ADCY2: variants seen among roughly 807,000 people sequenced by gnomAD.
The protein encoded by ADCY2 is adenylate cyclase 2, also known as adenylate cyclase type 2.
In ADCY2, 31 loss-of-function variants were observed where a neutral mutation model predicts 125.2. The observed-to-expected ratio is 0.25, with a 90% confidence interval of 0.19 to 0.33. The LOEUF is 0.33. Ranked by LOEUF, ADCY2 falls within the 10% of genes least tolerant of loss-of-function variation. ADCY2 has a pLI of 1.00. For missense variants in ADCY2, 904 were observed against 1,418.2 expected (o/e 0.64, Z 5.82); for synonymous variants, 512 against 548.4 (o/e 0.93, Z 0.93).
At chr5:7,423,224 CA>C (rs1422606294) in intron 2 of ADCY2, among the ~76,000 whole-genome samples, 2 of 152,202 alleles carry the variant, frequency 1.3e-5, no homozygotes, top group African/African-American at 4.8e-5. Flanking sequence ...GCTCAGCCTG[CA>C]GTGTGTTTAT....
chr5:7,724,765 C>CATAT lies in ADCY2; in HGVS notation c.1773+154_1773+157dup, dbSNP rs1741882942. ...TGGCTTTTCTGGTGGTTCTTTCATG[C>CATAT]ATATATTGCTTTACGGTATTTCTTG... On this transcript the variant is annotated intron_variant, in intron 13 of 24. Transcript: ENST00000338316. 3 of 634,118 alleles carry CATAT rather than the reference C, an allele frequency of 4.7e-6. No homozygotes were observed. In the South Asian group the frequency reaches 5.5e-5, roughly 12 times the overall value. The allele number at this position is 634,118 out of a possible 1,614,324, so 39.3% of individuals were successfully genotyped here. A position where few individuals can be genotyped will look rare whatever the true frequency, so the allele number is the denominator to read the frequency against.
chr5:7,442,373 G>T (rs1741045426), intron 2 of ADCY2, among the ~76,000 whole-genome samples: 1 of 151,992 alleles, frequency 6.6e-6, no homozygotes, highest in South Asian at 2.1e-4. Flanking sequence ...CTTGTGTCTG[G>T]GTCTTTGTAC....
chr5:7,714,295 T>G (rs906355083), intron 11 of ADCY2, among the ~76,000 whole-genome samples: 1 of 152,202 alleles, frequency 6.6e-6, no homozygotes, highest in African/African-American at 2.4e-5. Flanking sequence ...CATAGTCTCT[T>G]CTGTTATCTG....
At position 7,493,703 on chromosome 5, in the gene ADCY2, T is replaced by C. The variant is rs538512660; in HGVS notation, c.409-27035T>C. On this transcript the variant is annotated intron_variant, in intron 2 of 24. Transcript: ENST00000338316. ...TAGTGGAGAGAGATAGGACCACACA[T>C]AGAAAGTGATGGAGGGATAGTGGAG... is the stretch of plus-strand genomic sequence containing the variant. 6.6e-5 allele frequency among the ~76,000 whole-genome samples: 10 copies of C among 152,080 alleles called. No homozygotes were observed. The South Asian group carries it at 1.0e-3, about 16-fold the overall frequency.
chr5:7,527,639 A>G (rs1022871674), intron 3 of ADCY2, among the ~76,000 whole-genome samples: 1 of 152,336 alleles, frequency 6.6e-6, no homozygotes. Flanking sequence ...GATTACTTAT[A>G]TGTTAGATAA....
At chr5:7,815,867 G>A (rs1352546215) in intron 22 of ADCY2, among the ~76,000 whole-genome samples, 1 of 152,180 alleles carries the variant, frequency 6.6e-6, no homozygotes, top group Non-Finnish European at 1.5e-5. Flanking sequence ...TTAAACCACA[G>A]AAGTTAATTG....
chr5:7,477,566 G>A (rs1742570936), intron 2 of ADCY2, among the ~76,000 whole-genome samples: 1 of 152,152 alleles, frequency 6.6e-6, no homozygotes, highest in Admixed American at 6.5e-5. Flanking sequence ...GCATACTTCT[G>A]TTTAGCACCT....
At chr5:7,616,958 T>C (rs1737785207) in intron 3 of ADCY2, among the ~76,000 whole-genome samples, 1 of 151,986 alleles carries the variant, frequency 6.6e-6, no homozygotes, top group Non-Finnish European at 1.5e-5. Flanking sequence ...CCCTGTGAGG[T>C]CACTGAATTT....
chr5:7,398,933 G>C (rs1316943352), intron 1 of ADCY2, among the ~76,000 whole-genome samples: 1 of 152,180 alleles, frequency 6.6e-6, no homozygotes, highest in South Asian at 2.1e-4. Flanking sequence ...GCGATGGCTG[G>C]GGTAGGAACA....
At chr5:7,398,881 G>A (rs1047134146) in intron 1 of ADCY2, among the ~76,000 whole-genome samples, 5 of 152,228 alleles carry the variant, frequency 3.3e-5, no homozygotes, top group African/African-American at 1.2e-4. Context: ...ACCATAACCA[G>A]CATCTCTGCT....
chr5:7,592,944 T>C (rs1011185730), intron 3 of ADCY2, among the ~76,000 whole-genome samples: 9 of 152,220 alleles, frequency 5.9e-5, no homozygotes, highest in African/African-American at 2.2e-4. Context: ...CCTCCTGGGA[T>C]TGTGCGATTT....
chr5:7,424,693 G>T (rs1740324575), intron 2 of ADCY2, among the ~76,000 whole-genome samples: 1 of 152,204 alleles, frequency 6.6e-6, no homozygotes, highest in South Asian at 2.1e-4. Context: ...TTTCCATTTG[G>T]AGGTATTTTT....
intron 3 of ADCY2, among the ~76,000 whole-genome samples, chr5:7,554,220 T>G (rs749810283): frequency 2.6e-5 from 4 of 152,220 alleles, no homozygotes; most frequent in Non-Finnish European, 4.4e-5. Context: ...CAAATGTGCT[T>G]AAATTTAGAT....
chr5:7,476,937 C>G (rs1372362189), intron 2 of ADCY2, among the ~76,000 whole-genome samples: 1 of 152,114 alleles, frequency 6.6e-6, no homozygotes, highest in African/African-American at 2.4e-5. Context: ...TTTGGAGGAG[C>G]AGAAAAAGAA....
chr5:7,501,769 G>T (rs1392397364), intron 2 of ADCY2, among the ~76,000 whole-genome samples: 2 of 150,356 alleles, frequency 1.3e-5, no homozygotes, highest in Admixed American at 6.7e-5. Context: ...CTTCAGCCTT[G>T]GTTGGCCTGG....
intron 12 of ADCY2, among the ~76,000 whole-genome samples, chr5:7,721,546 T>G (rs1161025452): frequency 6.6e-6 from 1 of 152,254 alleles, no homozygotes; most frequent in African/African-American, 2.4e-5. Context: ...CATTTAAGTC[T>G]TTAATCCATC....
chr5:7,619,053 C>G (rs146155393), intron 3 of ADCY2, among the ~76,000 whole-genome samples: 1 of 152,054 alleles, frequency 6.6e-6, no homozygotes, highest in South Asian at 2.1e-4. Flanking sequence ...TTCTGAAATA[C>G]GCAGGTCAAA....
chr5:7,800,062 A>G (rs1342220474), intron 20 of ADCY2: 1 of 152,212 alleles, frequency 6.6e-6, no homozygotes, highest in South Asian at 2.1e-4. Context: ...TTGATCAAGT[A>G]TAAAGTATAG....
intron 7 of ADCY2, among the ~76,000 whole-genome samples, chr5:7,706,168 G>T (rs1041996175): frequency 1.3e-5 from 2 of 152,144 alleles, no homozygotes; most frequent in African/African-American, 4.8e-5. Flanking sequence ...TAATGAGTTG[G>T]TGATAAGGTC....
Sources: gnomAD v4.1 joint callset for allele counts (sites outside exome capture counted in the v4.1 genomes callset) on GRCh38, gnomAD v4.1.1 for gene constraint, MANE v1.5 for transcripts, NCBI Gene and HGNC (gene_info 2026-07-23, HGNC 2026-07-21) for gene names.